The following DCAF8L2 variants were observed in gnomAD, a reference collection of about 807,000 sequenced individuals.
The protein encoded by DCAF8L2 is DDB1 and CUL4 associated factor 8 like 2, also known as DDB1- and CUL4-associated factor 8-like protein 2.
For missense variants in DCAF8L2, 430 were observed against 490.7 expected (o/e 0.88, Z 1.17); for synonymous variants, 200 against 190.9 (o/e 1.05, Z -0.39).
chrX:27,624,270 C>A (rs1927912279), intron 1 of DCAF8L2, among the ~76,000 whole-genome samples: 1 of 110,832 alleles, frequency 9.0e-6, no homozygotes, highest in African/African-American at 3.3e-5. Context: ...GAAGGTAGTA[C>A]CAAATTGTTA....
intron 1 of DCAF8L2, among the ~76,000 whole-genome samples, chrX:27,623,109 C>T (rs1347836099): frequency 1.8e-5 from 2 of 111,611 alleles, no homozygotes; most frequent in Non-Finnish European, 3.8e-5. Context: ...ACTGAGCTCA[C>T]TGCTGGAAAC....
At chrX:27,504,229 A>G in the DCAF8L2 span, among the ~76,000 whole-genome samples, 1 of 112,390 alleles carries the variant, frequency 8.9e-6, no homozygotes, top group Non-Finnish European at 1.9e-5. Context: ...GCATTTTATA[A>G]GTACAAGGAT....
the DCAF8L2 span, among the ~76,000 whole-genome samples, chrX:27,533,431 TA>T: frequency 5.5e-4 from 60 of 108,637 alleles, no homozygotes; most frequent in African/African-American, 1.5e-3. Context: ...ATTTTTAAAA[TA>T]AAAAAAAATT....
upstream of DCAF8L2, among the ~76,000 whole-genome samples, chrX:27,588,955 G>C (rs1925969503): frequency 9.0e-6 from 1 of 110,542 alleles, no homozygotes; most frequent in Admixed American, 9.7e-5. Flanking sequence ...TCTGTATGTT[G>C]AATATCAAAA....
At chrX:27,676,113 CAG>C (rs766129095) in intron 2 of DCAF8L2, among the ~76,000 whole-genome samples, 44 of 111,449 alleles carry the variant, frequency 3.9e-4, no homozygotes, top group African/African-American at 7.5e-4. Flanking sequence ...TTCCCAAGCC[CAG>C]AGCAATCAGT....
At position 27,610,657 on chromosome X, in the gene DCAF8L2, C is replaced by A. The variant is rs1342310499; in HGVS notation, c.-342+20217C>A. On this transcript the variant is annotated intron_variant, in intron 1 of 4. Transcript: ENST00000451261. ...GCTTCTGAAACTGCCTCCTCTCTGG[C>A]CAAGAGAGTACATCAAAAGCACTAA... is the stretch of plus-strand genomic sequence containing the variant. Among the ~76,000 whole-genome samples the A allele has an allele frequency of 5.4e-5, 6 of 111,493 alleles. No individual in the cohort carries two copies. The Admixed American group carries it at 5.7e-4, about 11-fold the overall frequency.
chrX:27,626,656 T>G (rs1449053371), intron 1 of DCAF8L2, among the ~76,000 whole-genome samples: 2 of 112,202 alleles, frequency 1.8e-5, no homozygotes, highest in Non-Finnish European at 3.8e-5. Context: ...ATTTGTTTCT[T>G]ATGAAGATAA....
At chrX:27,665,772 T>A (rs1199755392) in intron 2 of DCAF8L2, among the ~76,000 whole-genome samples, 2 of 112,035 alleles carry the variant, frequency 1.8e-5, no homozygotes, top group African/African-American at 6.5e-5. Context: ...AGCAAAAAGA[T>A]CATGACTCGC....
At chrX:27,518,984 A>G in the DCAF8L2 span, 20 of 687,897 alleles carry the variant, frequency 2.9e-5, no homozygotes, top group South Asian at 3.3e-4. Flanking sequence ...CTGAGAATCC[A>G]TAAGGGGATT....
Position 27,631,594 on chromosome X carries a change from T to C in DCAF8L2, c.-341-285T>C, listed in dbSNP as rs745792849. Reference sequence around the variant, plus strand: ...AATTTAAATAGCCAAATGTGGCCAGTAGACACATTTTTAGGCAGCACAGAC... The same window carrying C: ...AATTTAAATAGCCAAATGTGGCCAGCAGACACATTTTTAGGCAGCACAGAC... On this transcript the variant is annotated intron_variant, in intron 1 of 4. Transcript: ENST00000451261. 2.2e-4 allele frequency among the ~76,000 whole-genome samples: 24 copies of C among 111,594 alleles called. No individual in the cohort carries two copies. In the South Asian group the frequency reaches 9.1e-3, roughly 42 times the overall value.
At chrX:27,501,148 C>T in the DCAF8L2 span, among the ~76,000 whole-genome samples, 2 of 110,552 alleles carry the variant, frequency 1.8e-5, no homozygotes, top group Non-Finnish European at 3.8e-5. Context: ...ATACATATAC[C>T]TGGCCATCAG....
At chrX:27,636,120 A>T (rs1928494783) in intron 2 of DCAF8L2, among the ~76,000 whole-genome samples, 1 of 111,004 alleles carries the variant, frequency 9.0e-6, no homozygotes, top group Admixed American at 9.6e-5. Context: ...CCCGGCCAGA[A>T]ATTTCTATTA....
chrX:27,739,105 T>TA lies in DCAF8L2; in HGVS notation c.-58-7724dup, dbSNP rs954471809. Among the ~76,000 whole-genome samples the TA allele has an allele frequency of 1.1e-4, 12 of 110,347 alleles. No individual in the cohort carries two copies. The East Asian group carries it at 1.1e-3, about 11-fold the overall frequency. ...ATGACATCGTGTGATAAATCTGATT[T>TA]AAAAAAAAATCTATTGACCCCATTT... On this transcript the variant is annotated intron_variant, in intron 4 of 4. Coordinates refer to ENST00000451261, the MANE Select transcript of DCAF8L2 (RefSeq NM_001353450.2).
intron 1 of DCAF8L2, among the ~76,000 whole-genome samples, chrX:27,598,960 CA>C (rs113747555): frequency 0.27 from 22,577 of 82,249 alleles, 2,768 homozygotes; most frequent in East Asian, 0.46. Flanking sequence ...GAAAGTTTCT[CA>C]AAAAAAAAAA....
At chrX:27,735,498 T>C (rs959024921) in intron 4 of DCAF8L2, among the ~76,000 whole-genome samples, 1 of 112,500 alleles carries the variant, frequency 8.9e-6, no homozygotes, top group African/African-American at 3.2e-5. Flanking sequence ...CAATCACATG[T>C]TGTCTATCTA....
chrX:27,599,868 A>G (rs1926556313), intron 1 of DCAF8L2, among the ~76,000 whole-genome samples: 1 of 112,340 alleles, frequency 8.9e-6, no homozygotes, highest in Admixed American at 9.5e-5. Flanking sequence ...TTGATAAAAC[A>G]TGTTGTGTGC....
the DCAF8L2 span, among the ~76,000 whole-genome samples, chrX:27,469,935 A>C: frequency 0.44 from 47,670 of 109,271 alleles, 8,778 homozygotes; most frequent in South Asian, 0.67. Context: ...TGCCTGGCTA[A>C]TTTTTTATTT....
the DCAF8L2 span, among the ~76,000 whole-genome samples, chrX:27,473,145 C>G: frequency 1.8e-4 from 20 of 112,123 alleles, no homozygotes; most frequent in Non-Finnish European, 3.0e-4. Context: ...CACACAATAT[C>G]ACTTCTAATG....
intron 2 of DCAF8L2, among the ~76,000 whole-genome samples, chrX:27,651,531 A>G (rs1265258101): frequency 1.3e-5 from 1 of 79,037 alleles, no homozygotes; most frequent in Non-Finnish European, 2.3e-5. Flanking sequence ...TTTTTTTGAG[A>G]CGGAGTCTTG....
Sources: gnomAD v4.1 joint callset for allele counts (sites outside exome capture counted in the v4.1 genomes callset) on GRCh38, gnomAD v4.1.1 for gene constraint, MANE v1.5 for transcripts, NCBI Gene and HGNC (gene_info 2026-07-23, HGNC 2026-07-21) for gene names.